The following RASEF variants were observed in gnomAD, a reference collection of about 807,000 sequenced individuals.
RASEF encodes the protein ras and EF-hand domain-containing protein.
Under a neutral mutation model 90.1 loss-of-function variants are expected in RASEF, and 68 were observed. The observed-to-expected ratio is 0.75, with a 90% CI of 0.62 to 0.92. RASEF has a LOEUF of 0.92. Ranked by LOEUF, RASEF falls within the 40% of genes least tolerant of loss-of-function variation. The pLI, the probability that RASEF is intolerant of heterozygous loss-of-function variation, is 0.00. For synonymous variants in RASEF, 331 were observed against 345.2 expected, an observed-to-expected ratio of 0.96 and a Z score of 0.46; for missense variants, 949 against 937.2, an observed-to-expected ratio of 1.01 and a Z score of -0.16.
chr9:83,007,745 G>A (rs1045458077), intron 6 of RASEF, among the ~76,000 whole-genome samples: 2 of 151,930 alleles, frequency 1.3e-5, no homozygotes, highest in African/African-American at 2.4e-5. Flanking sequence ...CCCCGCCTCC[G>A]ACATCACAAG....
chr9:83,210,527 G>A, the RASEF span, among the ~76,000 whole-genome samples: 1 of 152,158 alleles, frequency 6.6e-6, no homozygotes, highest in Non-Finnish European at 1.5e-5. Context: ...CAGACTGGCA[G>A]CACGCCTGCA....
At chr9:83,039,745 G>C (rs1829805599) in intron 1 of RASEF, among the ~76,000 whole-genome samples, 1 of 152,136 alleles carries the variant, frequency 6.6e-6, no homozygotes, top group South Asian at 2.1e-4. Flanking sequence ...CTTTCACATT[G>C]TTTTCAATGG....
chr9:83,197,884 G>A, the RASEF span, among the ~76,000 whole-genome samples: 19 of 152,290 alleles, frequency 1.2e-4, no homozygotes, highest in Admixed American at 6.5e-4. Context: ...CTCTGCTTCC[G>A]CTGAGCTTGG....
the RASEF span, among the ~76,000 whole-genome samples, chr9:83,128,806 C>A: frequency 6.6e-6 from 1 of 152,100 alleles, no homozygotes; most frequent in African/African-American, 2.4e-5. Flanking sequence ...ACAGCCCAGG[C>A]AGGCTGAGTG....
chr9:83,214,113 A>G, the RASEF span, among the ~76,000 whole-genome samples: 1 of 152,168 alleles, frequency 6.6e-6, no homozygotes, highest in South Asian at 2.1e-4. Flanking sequence ...TAATTAATTA[A>G]GTCGGGCACA....
intron 1 of RASEF, among the ~76,000 whole-genome samples, chr9:83,033,876 T>C (rs1829690564): frequency 6.6e-6 from 1 of 152,190 alleles, no homozygotes; most frequent in Admixed American, 6.5e-5. Flanking sequence ...TTCTTACTAA[T>C]GTAATACCAG....
the RASEF span, among the ~76,000 whole-genome samples, chr9:83,124,146 C>A: frequency 0.54 from 82,330 of 152,038 alleles, 22,795 homozygotes; most frequent in East Asian, 0.75. Flanking sequence ...TTTAAGGCTG[C>A]ATAATATTCC....
chr9:83,058,222 G>T (rs1227375969), intron 1 of RASEF, among the ~76,000 whole-genome samples: 2 of 110,910 alleles, frequency 1.8e-5, no homozygotes, highest in Non-Finnish European at 3.3e-5. Flanking sequence ...TCGCTCTGTC[G>T]CCCAGGCTGG....
At chr9:83,176,808 C>A in the RASEF span, among the ~76,000 whole-genome samples, 3 of 151,930 alleles carry the variant, frequency 2.0e-5, no homozygotes, top group Non-Finnish European at 4.4e-5. Flanking sequence ...TACATATTAA[C>A]CTATTAATCT....
the RASEF span, among the ~76,000 whole-genome samples, chr9:83,116,757 T>A: frequency 6.6e-6 from 1 of 152,180 alleles, no homozygotes; most frequent in African/African-American, 2.4e-5. Context: ...CCCACTTTTT[T>A]TTCTGTAACT....
At chr9:83,146,660 A>T in the RASEF span, among the ~76,000 whole-genome samples, 1 of 152,182 alleles carries the variant, frequency 6.6e-6, no homozygotes. Flanking sequence ...TTCAAACTAA[A>T]TTGTATGGGT....
chr9:83,002,113 C>T (rs757099760), intron 9 of RASEF, among the ~76,000 whole-genome samples: 62 of 152,284 alleles, frequency 4.1e-4, no homozygotes, highest in Non-Finnish European at 6.8e-4. Context: ...GACTTATTTA[C>T]CACCCACTAC....
Position 83,025,922 on chromosome 9 carries a change from C to T in RASEF, c.432-1G>A. 1 of 1,566,266 alleles carries T rather than the reference C, an allele frequency of 6.4e-7. No homozygotes were observed. The highest frequency in any genetic ancestry group is 8.6e-7 in the Non-Finnish European group (1 of 1,161,096). Reference sequence around the variant, plus strand: ...GTACAAGGTACTAACTTGCTCTTCTCTGCCAAATAAATAAATAAAAATTAA... The same window carrying T: ...GTACAAGGTACTAACTTGCTCTTCTTTGCCAAATAAATAAATAAAAATTAA... On this transcript the variant is annotated splice_acceptor_variant, in intron 1 of 16. Transcript: ENST00000376447. LOFTEE classifies it high-confidence loss of function.
the RASEF span, among the ~76,000 whole-genome samples, chr9:83,169,149 C>A: frequency 6.6e-6 from 1 of 151,990 alleles, no homozygotes; most frequent in African/African-American, 2.4e-5. Context: ...ATAATGTCCT[C>A]CAGTTCAATC....
At chr9:83,061,602 A>G (rs1587531497) in intron 1 of RASEF, among the ~76,000 whole-genome samples, 1 of 152,178 alleles carries the variant, frequency 6.6e-6, no homozygotes. Context: ...ACGAAACTCA[A>G]AAAGAAAATC....
At chr9:83,197,078 TC>T in the RASEF span, among the ~76,000 whole-genome samples, 2 of 152,202 alleles carry the variant, frequency 1.3e-5, no homozygotes, top group Admixed American at 6.5e-5. Context: ...TCCCACCCTC[TC>T]CTTGGAAGGC....
intron 1 of RASEF, among the ~76,000 whole-genome samples, chr9:83,056,941 G>A (rs2117894150): frequency 6.6e-6 from 1 of 152,302 alleles, no homozygotes; most frequent in South Asian, 2.1e-4. Context: ...CTAAGGACTA[G>A]AAGTCCAAAA....
chr9:83,058,473 C>T (rs998567742), intron 1 of RASEF, among the ~76,000 whole-genome samples: 1 of 148,038 alleles, frequency 6.8e-6, no homozygotes, highest in Non-Finnish European at 1.5e-5. Flanking sequence ...TGAGCCACCG[C>T]GCCCGGCCGT....
Position 83,062,654 on chromosome 9 carries a change from G to A in RASEF, c.214C>T (p.Leu72Phe), listed in dbSNP as rs749725749. 1.3e-6 allele frequency: 2 copies of A among 1,565,610 alleles called. No individual in the cohort carries two copies. Among genetic ancestry groups the A allele is most frequent in the Non-Finnish European group, 8.6e-7 (1 of 1,163,192 alleles). ...ITFQEFARGF[L>F]GSLRGGRRRD... ...CGCCGCCCCCCGCGGAGGGACCCGA[G>A]GAAGCCACGCGCGAACTCCTGGAAG... is the stretch of plus-strand genomic sequence containing the variant. The change falls in exon 1 of 17, where the codon CTC becomes TTC. Residue 72 changes from leucine (L) to phenylalanine (F), a missense_variant. By Grantham distance (22) the Leu-to-Phe change is conservative. This residue lies in a region of RASEF where 656 missense variants were observed against 592.2 expected (regional missense o/e 1.11). Coordinates refer to ENST00000376447, the MANE Select transcript of RASEF (RefSeq NM_152573.4).
Sources: gnomAD v4.1 joint callset for allele counts (sites outside exome capture counted in the v4.1 genomes callset) on GRCh38, gnomAD v4.1.1 for gene constraint, gnomAD v4.1.1 regional missense constraint, MANE v1.5 for transcripts, NCBI Gene and HGNC (gene_info 2026-07-23, HGNC 2026-07-21) for gene names.